The following VGLL4 variants were observed in gnomAD, a reference collection of about 807,000 sequenced individuals.
VGLL4 encodes the protein transcription cofactor vestigial-like protein 4.
In VGLL4, 7 loss-of-function variants were observed where a neutral mutation model predicts 21.0. That is an observed-to-expected ratio of 0.33 (90% CI 0.19 to 0.63). VGLL4 has a LOEUF of 0.63. Among genes scored for constraint, VGLL4 ranks in the 20% least tolerant of loss-of-function variants. The pLI, the probability that VGLL4 is intolerant of heterozygous loss-of-function variation, is 0.78. For missense variants in VGLL4, 394 were observed against 425.7 expected, an observed-to-expected ratio of 0.93 and a Z score of 0.66; for synonymous variants, 222 against 173.2, an observed-to-expected ratio of 1.28 and a Z score of -2.21.
chr3:11,676,394 CAAAAA>C (rs1219773138), intron 2 of VGLL4, among the ~76,000 whole-genome samples: 3 of 54,358 alleles, frequency 5.5e-5, no homozygotes, highest in Admixed American at 1.9e-4. Context: ...GACTCTGTCT[CAAAAA>C]AAAAAAAAAA....
In VGLL4 at chr3:11,568,803, C is replaced by T. The variant is rs2073656482; in HGVS notation, c.273-3784G>A. On this transcript the variant is annotated intron_variant, in intron 2 of 4. Coordinates refer to ENST00000430365, the MANE Select transcript of VGLL4 (RefSeq NM_001128219.3). This position sits in a 1 kb window ranked among gnomAD's most constrained non-coding sequence, Gnocchi z 5.9. ...GGTCAGGACTGTGCCCGAGAGAGCC[C>T]ACGGCATCCCCGCGAACACCCAAAG... The T allele has an allele frequency of 7.0e-7, 1 of 1,437,948 alleles. No homozygotes were observed. 89.1% of individuals were successfully genotyped at this position (1,437,948 alleles called of 1,614,324 possible).
rs1559892389 is a variant in VGLL4, at chr3:11,601,939, G to C, written c.166C>G (p.Pro56Ala). The change falls in exon 2 of 5, where the codon CCA becomes GCA. Residue 56 changes from proline (P) to alanine (A), a missense_variant. Physicochemically the swap from Pro to Ala is conservative, Grantham distance 27. Transcript: ENST00000430365. ...ALSSHRTGPP[P>A]ISPSKRKFSM... The stretch of plus-strand genomic sequence containing the variant: ...AACTTCCTCTTGCTGGGGCTGATTG[G>C]GGGAGGGCCGGTGCGGTGACTGCTG... 1 of 1,613,370 alleles carries C rather than the reference G, an allele frequency of 6.2e-7. No homozygotes were observed. Among genetic ancestry groups the C allele is most frequent in the Non-Finnish European group, 8.5e-7 (1 of 1,179,704 alleles).
At chr3:11,708,196 T>C (rs1038424752) in intron 1 of VGLL4, among the ~76,000 whole-genome samples, 10 of 152,226 alleles carry the variant, frequency 6.6e-5, no homozygotes, top group African/African-American at 2.4e-4. Flanking sequence ...GCCTTATAGG[T>C]ATTGAAATAA....
At chr3:11,696,026 AACAG>A (rs1446348382) in intron 2 of VGLL4, among the ~76,000 whole-genome samples, 3 of 152,196 alleles carry the variant, frequency 2.0e-5, no homozygotes, top group Non-Finnish European at 4.4e-5. Flanking sequence ...TACATAGAGA[AACAG>A]ACAGACATAG....
chr3:11,697,136 T>C (rs2076616242), intron 2 of VGLL4, among the ~76,000 whole-genome samples: 1 of 152,236 alleles, frequency 6.6e-6, no homozygotes, highest in East Asian at 1.9e-4. Context: ...GGTCTTGCTC[T>C]GTGGCCCAGG....
chr3:11,583,878 A>G (rs6777592), intron 2 of VGLL4, among the ~76,000 whole-genome samples: 8,783 of 152,290 alleles, frequency 0.058, 694 homozygotes, highest in African/African-American at 0.18. Context: ...GGAGGCCCTC[A>G]GGAGAGGTTT....
chr3:11,665,870 G>A (rs1468146510), intron 2 of VGLL4, among the ~76,000 whole-genome samples: 1 of 152,238 alleles, frequency 6.6e-6, no homozygotes, highest in Non-Finnish European at 1.5e-5. Context: ...GCAAGGCACA[G>A]GTAGGGGCAA....
intron 1 of VGLL4, among the ~76,000 whole-genome samples, chr3:11,716,117 C>T (rs1422298549): frequency 1.3e-5 from 2 of 151,978 alleles, no homozygotes; most frequent in Non-Finnish European, 2.9e-5. Flanking sequence ...GCTTGGCCAA[C>T]ATGGTGAAGC....
intron 2 of VGLL4, among the ~76,000 whole-genome samples, chr3:11,595,109 C>T (rs1406724519): frequency 6.6e-6 from 1 of 152,112 alleles, no homozygotes; most frequent in African/African-American, 2.4e-5. Context: ...TGTGGTGAGC[C>T]GAGATTGCCT....
At chr3:11,703,995 G>C (rs1011158858) in intron 1 of VGLL4, among the ~76,000 whole-genome samples, 1 of 152,212 alleles carries the variant, frequency 6.6e-6, no homozygotes, top group Non-Finnish European at 1.5e-5. Context: ...TGTAATCCCA[G>C]CACTTTGGGA....
At chr3:11,566,427 T>A (rs536099463) in intron 2 of VGLL4, among the ~76,000 whole-genome samples, 1 of 152,340 alleles carries the variant, frequency 6.6e-6, no homozygotes, top group South Asian at 2.1e-4. Flanking sequence ...GATTTCGTGT[T>A]TTGCTTGTAT....
At chr3:11,612,114 A>G (rs1177009712) in intron 1 of VGLL4, 1 of 152,212 alleles carries the variant, frequency 6.6e-6, no homozygotes, top group Non-Finnish European at 1.5e-5. Flanking sequence ...AATATACACT[A>G]GTTTTTTAAT....
intron 1 of VGLL4, among the ~76,000 whole-genome samples, chr3:11,611,390 C>A (rs758826811): frequency 6.6e-6 from 1 of 152,188 alleles, no homozygotes; most frequent in Non-Finnish European, 1.5e-5. Context: ...AGGCGGCCAT[C>A]TGCAAGCCAA....
In VGLL4 at chr3:11,695,797, G is replaced by A. The variant is rs1432715772; in HGVS notation, c.64+7174C>T. On this transcript the variant is annotated intron_variant, in intron 2 of 5. Transcript: ENST00000273038. ...GCCACTCTTATGGATGAAAATGCAC[G>A]GCACACCCCTCTGGTATTTTAGGAT... Among the ~76,000 whole-genome samples the A allele has an allele frequency of 6.6e-5, 10 of 152,120 alleles. No individual in the cohort carries two copies. In the East Asian group the frequency reaches 1.4e-3, roughly 21 times the overall value.
chr3:11,645,544 T>C (rs2075776813), upstream of VGLL4, among the ~76,000 whole-genome samples: 1 of 88,480 alleles, frequency 1.1e-5, no homozygotes, highest in Admixed American at 1.3e-4. Context: ...GAGCCAAGAT[T>C]GCGCCACTGC....
At chr3:11,572,807 C>T (rs946293399) in intron 2 of VGLL4, among the ~76,000 whole-genome samples, 1 of 152,126 alleles carries the variant, frequency 6.6e-6, no homozygotes, top group South Asian at 2.1e-4. Flanking sequence ...TACGAATACA[C>T]CACTGCATAT....
chr3:11,626,617 G>A, intron 1 of VGLL4: 1 of 279,766 alleles, frequency 3.6e-6, no homozygotes, highest in Non-Finnish European at 7.2e-6. Context: ...TCTTCAATGA[G>A]AATGGGGCAT....
chr3:11,696,047 AAAC>A (rs568183923), intron 2 of VGLL4, among the ~76,000 whole-genome samples: 64 of 152,330 alleles, frequency 4.2e-4, no homozygotes, highest in Admixed American at 3.7e-3. Flanking sequence ...ATAGGCGACA[AAAC>A]AACAACTGCA....
chr3:11,674,720 G>C (rs1045375844), intron 2 of VGLL4, among the ~76,000 whole-genome samples: 3 of 152,164 alleles, frequency 2.0e-5, no homozygotes, highest in African/African-American at 7.2e-5. Context: ...CAAGAAACGG[G>C]ACACCCAGGA....
Sources: gnomAD v4.1 joint callset for allele counts (sites outside exome capture counted in the v4.1 genomes callset) on GRCh38, gnomAD v4.1.1 for gene constraint, Gnocchi (gnomAD v3.1) non-coding constraint, MANE v1.5 for transcripts, NCBI Gene and HGNC (gene_info 2026-07-23, HGNC 2026-07-21) for gene names.